The following ARMC2 variants were observed in gnomAD, a reference collection of about 807,000 sequenced individuals.
ARMC2 encodes the protein armadillo repeat containing 2, also known as armadillo repeat-containing protein 2.
ARMC2 carries 67 observed loss-of-function variants against 90.3 expected under a neutral mutation model. The ratio of observed to expected loss-of-function variants is 0.74; its 90% CI spans 0.61 to 0.91. The LOEUF (loss-of-function observed/expected upper bound fraction) is 0.91, where lower values mean the gene tolerates loss of function less well. Ranked by LOEUF, ARMC2 falls within the 40% of genes least tolerant of loss-of-function variation. The probability of loss-of-function intolerance (pLI) is 0.00; values close to 1 mark genes in which losing one functional copy is unlikely to be tolerated. For missense variants in ARMC2, 920 were observed against 1,030.9 expected (o/e 0.89, Z 1.47); for synonymous variants, 393 against 393.0 (o/e 1.00, Z 0.00).
At chr6:109,009,680 G>T in the ARMC2 span, 4 of 485,450 alleles carry the variant, frequency 8.2e-6, no homozygotes, top group Non-Finnish European at 1.1e-5. Context: ...CCCCTCCGGC[G>T]CGGAGGCTGG....
At chr6:108,992,305 AG>A in the ARMC2 span, among the ~76,000 whole-genome samples, 4 of 152,054 alleles carry the variant, frequency 2.6e-5, no homozygotes, top group African/African-American at 9.6e-5. Flanking sequence ...TTGTGGAGAC[AG>A]GGTTTCCCCT....
intron 17 of ARMC2, among the ~76,000 whole-genome samples, chr6:108,972,006 G>A (rs188931371): frequency 6.6e-6 from 1 of 152,090 alleles, no homozygotes; most frequent in East Asian, 1.9e-4. Flanking sequence ...TTTAGAAGTT[G>A]GCCTCATGTC....
At chr6:109,015,825 ATAC>A in the ARMC2 span, among the ~76,000 whole-genome samples, 3 of 152,224 alleles carry the variant, frequency 2.0e-5, no homozygotes, top group East Asian at 3.8e-4. Context: ...CAGACTGAAT[ATAC>A]TCTGTGTTGT....
At chr6:109,006,425 T>C in the ARMC2 span, among the ~76,000 whole-genome samples, 2 of 151,612 alleles carry the variant, frequency 1.3e-5, no homozygotes, top group Admixed American at 6.6e-5. Context: ...ATTAGGTATA[T>C]CTCCTAATGC....
At chr6:108,874,109 T>C (rs1409988399) in intron 4 of ARMC2, among the ~76,000 whole-genome samples, 1 of 152,226 alleles carries the variant, frequency 6.6e-6, no homozygotes, top group Non-Finnish European at 1.5e-5. Flanking sequence ...GTGCTGCAAC[T>C]GTCTACCGAG....
intron 13 of ARMC2, among the ~76,000 whole-genome samples, chr6:108,956,455 G>A (rs1777591193): frequency 6.6e-6 from 1 of 151,846 alleles, no homozygotes; most frequent in Non-Finnish European, 1.5e-5. Context: ...CCAGCACTTT[G>A]GGAAGCCAAG....
intron 10 of ARMC2, among the ~76,000 whole-genome samples, chr6:108,913,938 T>C (rs1254225154): frequency 6.6e-6 from 1 of 152,234 alleles, no homozygotes; most frequent in Non-Finnish European, 1.5e-5. Flanking sequence ...GAGTTAACCC[T>C]AAAGACTTAT....
intron 11 of ARMC2, among the ~76,000 whole-genome samples, chr6:108,930,554 T>C (rs1332057253): frequency 1.3e-5 from 2 of 151,894 alleles, no homozygotes; most frequent in African/African-American, 4.8e-5. Context: ...TTTTTCTCAT[T>C]AGTGGGTATT....
In ARMC2 at chr6:108,939,126, C is replaced by T. The variant is rs546156589; in HGVS notation, c.1596+2127C>T. Among the ~76,000 whole-genome samples the T allele has an allele frequency of 5.3e-5, 8 of 152,222 alleles. No homozygotes were observed. In the South Asian group the frequency reaches 1.7e-3, roughly 32 times the overall value. ...GAGCCACTGCGCCCAGCCTAAAAAT[C>T]CTAAAGTTTAAATTGGCATAAAATT... is the stretch of plus-strand genomic sequence containing the variant. On this transcript the variant is annotated intron_variant, in intron 12 of 17. Transcript: ENST00000392644.
chr6:108,904,260 G>T lies in ARMC2; in HGVS notation c.878G>T (p.Cys293Phe). Residue 293 changes from cysteine to phenylalanine, a missense_variant, in exon 8 of 18, where the codon TGC becomes TTC. Physicochemically the swap from Cys to Phe is radical, Grantham distance 205. Coordinates refer to ENST00000392644, the MANE Select transcript of ARMC2 (RefSeq NM_032131.6). ...AACATTGAAACGGTTTGTGCTGCTT[G>T]CACACAACTTCATCATGCTTTAGAG... ...EENIETVCAA[C>F]TQLHHALEEG... is the part of the protein sequence containing the mutation. The T allele has an allele frequency of 6.2e-7, 1 of 1,613,740 alleles. No individual in the cohort carries two copies. The highest frequency in any genetic ancestry group is 8.5e-7 in the Non-Finnish European group (1 of 1,179,796).
At chr6:108,969,295 TG>T (rs1246808360) in intron 17 of ARMC2, among the ~76,000 whole-genome samples, 2 of 152,266 alleles carry the variant, frequency 1.3e-5, no homozygotes, top group Non-Finnish European at 2.9e-5. Flanking sequence ...AACAGCCATC[TG>T]CTGCTGAACA....
intron 5 of ARMC2, among the ~76,000 whole-genome samples, chr6:108,878,226 A>G (rs1271930222): frequency 1.3e-5 from 2 of 152,346 alleles, no homozygotes; most frequent in East Asian, 1.9e-4. Context: ...CCAAGAAATG[A>G]TCTTTGCTAT....
At chr6:108,895,009 G>A (rs750791120) in intron 6 of ARMC2, among the ~76,000 whole-genome samples, 2 of 150,262 alleles carry the variant, frequency 1.3e-5, no homozygotes, top group Non-Finnish European at 1.5e-5. Context: ...CTCGTGATCC[G>A]CCTGCCTCAG....
the ARMC2 span, among the ~76,000 whole-genome samples, chr6:109,006,586 C>G: frequency 6.6e-6 from 1 of 152,228 alleles, no homozygotes; most frequent in East Asian, 1.9e-4. Flanking sequence ...TCAATGACAT[C>G]TGGTTCTAGA....
At chr6:108,953,387 A>T in intron 13 of ARMC2, 36 bp downstream of exon 13, 2 of 1,555,304 alleles carry the variant, frequency 1.3e-6, no homozygotes, top group South Asian at 2.3e-5. Flanking sequence ...AGCAGACACA[A>T]CCAACTTTCC....
the ARMC2 span, among the ~76,000 whole-genome samples, chr6:108,995,745 CT>C: frequency 6.6e-6 from 1 of 152,160 alleles, no homozygotes; most frequent in African/African-American, 2.4e-5. Context: ...GATTGTGCCA[CT>C]GTATTCCAGC....
chr6:108,949,463 A>G (rs1414071227), intron 12 of ARMC2, among the ~76,000 whole-genome samples: 2 of 152,226 alleles, frequency 1.3e-5, no homozygotes, highest in Admixed American at 1.3e-4. Context: ...GTTATTAATT[A>G]TTAGGATTTT....
At chr6:109,026,799 G>A in the ARMC2 span, among the ~76,000 whole-genome samples, 14 of 151,836 alleles carry the variant, frequency 9.2e-5, no homozygotes, top group Middle Eastern at 3.4e-3. Context: ...CACTGCGCCC[G>A]GCCAGGTTTA....
intron 5 of ARMC2, among the ~76,000 whole-genome samples, chr6:108,885,725 CTG>C (rs1778035811): frequency 6.6e-6 from 1 of 151,950 alleles, no homozygotes; most frequent in African/African-American, 2.4e-5. Context: ...TGTCTGGAAA[CTG>C]TATATCTAGT....
Sources: gnomAD v4.1 joint callset for allele counts (sites outside exome capture counted in the v4.1 genomes callset) on GRCh38, gnomAD v4.1.1 for gene constraint, MANE v1.5 for transcripts, NCBI Gene and HGNC (gene_info 2026-07-23, HGNC 2026-07-21) for gene names.